The following OSGIN2 variants were observed in gnomAD, a reference collection of about 807,000 sequenced individuals.
OSGIN2 encodes the protein oxidative stress induced growth inhibitor family member 2, also known as oxidative stress-induced growth inhibitor 2.
OSGIN2 carries 19 observed loss-of-function variants against 53.8 expected under a neutral mutation model. The ratio of observed to expected loss-of-function variants is 0.35; its 90% CI spans 0.25 to 0.52. OSGIN2 has a LOEUF of 0.52. OSGIN2 is among the 20% of genes least tolerant of loss of function. OSGIN2 has a pLI of 0.95. For synonymous variants in OSGIN2, 236 were observed against 236.0 expected (o/e 1.00, Z 0.00); for missense variants, 520 against 662.7 (o/e 0.78, Z 2.36).
At chr8:89,909,282 A>G (rs569587775) in intron 1 of OSGIN2, among the ~76,000 whole-genome samples, 1 of 151,936 alleles carries the variant, frequency 6.6e-6, no homozygotes, top group African/African-American at 2.4e-5. Context: ...CCTCAACACC[A>G]TGCTGTCTTT....
intron 4 of OSGIN2, among the ~76,000 whole-genome samples, chr8:89,919,184 G>A (rs534923930): frequency 6.8e-4 from 104 of 151,944 alleles, no homozygotes; most frequent in Non-Finnish European, 1.1e-3. Context: ...CTTTTGTTGG[G>A]GAGTCCAAGT....
At position 89,909,011 on chromosome 8, in the gene OSGIN2, CAAAAAAAAAAA is replaced by C. The variant is rs35635974; in HGVS notation, c.45-539_45-529del. On this transcript the variant is annotated intron_variant, in intron 1 of 5. Transcript: ENST00000451899. ...GGGTGACAGAGCAAGACCTTGTTTC[CAAAAAAAAAAA>C]AAAAAAAAAAAAAAAATATATATAT... Among the ~76,000 whole-genome samples, 41 of 38,394 alleles carry C rather than the reference CAAAAAAAAAAA, an allele frequency of 1.1e-3. No individual in the cohort carries two copies. In the East Asian group the frequency reaches 0.013, roughly 12 times the overall value. 25.2% of individuals were successfully genotyped at this position (38,394 alleles called of 152,430 possible). A position where few individuals can be genotyped will look rare whatever the true frequency, so the allele number is the denominator to read the frequency against.
At position 89,925,481 on chromosome 8, in the gene OSGIN2, G is replaced by A. The variant is rs1809303761; in HGVS notation, c.1599G>A (p.Gln533=). 3 of 1,613,832 alleles carry A rather than the reference G, an allele frequency of 1.9e-6. No individual in the cohort carries two copies. The highest frequency in any genetic ancestry group is 1.3e-5 in the African/African-American group (1 of 74,920). Residue 533 remains glutamine (Q), a synonymous_variant, in exon 6 of 6, where the codon CAG becomes CAA. Transcript: ENST00000451899. Reference sequence around the variant, plus strand: ...TTACACGCTGTTTAGCTACAAGACAGAAGAAAAAGCATTTGTTTGTTGAAA... The same window carrying A: ...TTACACGCTGTTTAGCTACAAGACAAAAGAAAAAGCATTTGTTTGTTGAAA... The part of the protein sequence containing the change: ...LGVTRCLATR[Q]KKKHLFVERG...
intron 1 of OSGIN2, among the ~76,000 whole-genome samples, chr8:89,909,009 TCCAAAAAAAAA>T: frequency 3.5e-5 from 1 of 28,632 alleles, no homozygotes; most frequent in East Asian, 5.1e-4. Flanking sequence ...AGACCTTGTT[TCCAAAAAAAAA>T]AAAAAAAAAA....
intron 4 of OSGIN2, among the ~76,000 whole-genome samples, chr8:89,915,789 G>C (rs189952205): frequency 6.6e-6 from 1 of 152,100 alleles, no homozygotes; most frequent in Non-Finnish European, 1.5e-5. Flanking sequence ...AGTTGTTTAC[G>C]TTTATAAAAT....
At chr8:89,908,805 A>T (rs1169184232) in intron 1 of OSGIN2, among the ~76,000 whole-genome samples, 1 of 151,768 alleles carries the variant, frequency 6.6e-6, no homozygotes, top group East Asian at 1.9e-4. Context: ...ATTTTAATAT[A>T]TTTTTGAAGT....
Position 89,920,178 on chromosome 8 carries a change from A to G in OSGIN2, c.529-902A>G, listed in dbSNP as rs144183066. Among the ~76,000 whole-genome samples, 183 of 152,290 alleles carry G rather than the reference A, an allele frequency of 1.2e-3. 1 individual carries two copies. Among genetic ancestry groups the G allele is most frequent in the African/African-American group, 3.9e-3 (161 of 41,558 alleles). ...AGGTTCTGAACCTGGTATCAGGGCT[A>G]GCCTCCCTCAAAGCAGGTGGCAGCT... On this transcript the variant is annotated intron_variant, in intron 4 of 5. Transcript: ENST00000451899.
chr8:89,923,568 A>C (rs888805957), intron 5 of OSGIN2, among the ~76,000 whole-genome samples: 1 of 152,194 alleles, frequency 6.6e-6, no homozygotes, highest in Non-Finnish European at 1.5e-5. Context: ...AATAAGTCAC[A>C]TGAGGTATTC....
chr8:89,904,838 ACAGATTATAAAACAGGTTG>A (rs1344465759), intron 1 of OSGIN2, among the ~76,000 whole-genome samples: 2 of 152,180 alleles, frequency 1.3e-5, no homozygotes, highest in Non-Finnish European at 2.9e-5. Flanking sequence ...ACAAAAAAAC[ACAGATTATAAAACAGGTTG>A]TGACATCTAT....
Position 89,925,529 on chromosome 8 carries a change from T to C in OSGIN2, c.1647T>C (p.Ala549=). The C allele has an allele frequency of 6.2e-7, 1 of 1,608,550 alleles. No homozygotes were observed. The highest frequency in any genetic ancestry group is 8.5e-7 in the Non-Finnish European group (1 of 1,177,216). Residue 549 remains alanine, a synonymous_variant, in exon 6 of 6, where the codon GCT becomes GCC. Transcript: ENST00000451899. ...AAAGAGGAGGAGGAGATGGGATAGC[T>C]TAAAGCAAGTTTACAAGTAATTAAA... is the stretch of plus-strand genomic sequence containing the variant. ...FVERGGGDGI[A] is the part of the protein sequence containing the mutation.
intron 4 of OSGIN2, among the ~76,000 whole-genome samples, chr8:89,915,823 T>C (rs922610085): frequency 3.3e-5 from 5 of 152,218 alleles, no homozygotes; most frequent in Admixed American, 1.3e-4. Context: ...TATCGGGACA[T>C]TCCTAGATTA....
chr8:89,907,259 TTTAATTA>T (rs1195321628), intron 1 of OSGIN2, among the ~76,000 whole-genome samples: 1 of 149,132 alleles, frequency 6.7e-6, no homozygotes, highest in Admixed American at 6.7e-5. Flanking sequence ...AGCTCGTTAG[TTTAATTA>T]GATACCATTT....
intron 5 of OSGIN2, among the ~76,000 whole-genome samples, chr8:89,923,148 T>G (rs1266037527): frequency 6.6e-6 from 1 of 152,086 alleles, no homozygotes; most frequent in African/African-American, 2.4e-5. Flanking sequence ...AAGGTACACT[T>G]TATAAACACT....
At chr8:89,907,161 C>A (rs1353702752) in intron 1 of OSGIN2, among the ~76,000 whole-genome samples, 1 of 151,988 alleles carries the variant, frequency 6.6e-6, no homozygotes, top group African/African-American at 2.4e-5. Flanking sequence ...GGATATTAGA[C>A]CTTTGTTGGA....
In OSGIN2 at chr8:89,910,321, T is replaced by C. The variant is rs114028734; in HGVS notation, c.199+600T>C. On this transcript the variant is annotated intron_variant, in intron 2 of 5. Coordinates refer to ENST00000451899, the MANE Select transcript of OSGIN2 (RefSeq NM_001126111.3). The stretch of plus-strand genomic sequence containing the variant: ...TATAAGCTTTTATAATTTAGTTTTA[T>C]TGCATGCATTTAATTACCTGTTATG... Among the ~76,000 whole-genome samples, 837 of 152,354 alleles carry C rather than the reference T, an allele frequency of 5.5e-3. 10 individuals carry two copies. The highest frequency in any genetic ancestry group is 0.019 in the African/African-American group (770 of 41,582).
At chr8:89,909,011 C>CAAAAAAAA (rs35635974) in intron 1 of OSGIN2, among the ~76,000 whole-genome samples, 1 of 38,392 alleles carries the variant, frequency 2.6e-5, no homozygotes, top group African/African-American at 1.4e-4. Context: ...ACCTTGTTTC[C>CAAAAAAAA]AAAAAAAAAA....
chr8:89,925,248 T>C lies in OSGIN2; in HGVS notation c.1366T>C (p.Leu456=), dbSNP rs1250150244. ...KIFKLSAAVV[L]IGSHPNLSFL... ...ATTTAAGCTGTCTGCAGCAGTAGTATTGATAGGTTCTCATCCTAATCTGTC... is the reference window on the plus strand; with the variant it reads ...ATTTAAGCTGTCTGCAGCAGTAGTACTGATAGGTTCTCATCCTAATCTGTC... The change falls in exon 6 of 6, where the codon TTG becomes CTG. Residue 456 remains leucine, a synonymous_variant. Transcript: ENST00000451899. The C allele has an allele frequency of 9.3e-6, 15 of 1,614,184 alleles. No individual in the cohort carries two copies. The highest frequency in any genetic ancestry group is 1.3e-5 in the African/African-American group (1 of 75,054).
chr8:89,909,121 A>G (rs73304487), intron 1 of OSGIN2, among the ~76,000 whole-genome samples: 23,724 of 148,072 alleles, frequency 0.16, 4,686 homozygotes, highest in African/African-American at 0.47. Flanking sequence ...TTTCTTATAC[A>G]AAAATGCACA....
At chr8:89,922,363 T>G (rs58922279) in intron 5 of OSGIN2, among the ~76,000 whole-genome samples, 5,831 of 152,304 alleles carry the variant, frequency 0.038, 165 homozygotes, top group South Asian at 0.1. Flanking sequence ...TATATGGGTT[T>G]GAAACTTGAA....
Sources: gnomAD v4.1 joint callset for allele counts (sites outside exome capture counted in the v4.1 genomes callset) on GRCh38, gnomAD v4.1.1 for gene constraint, MANE v1.5 for transcripts, NCBI Gene and HGNC (gene_info 2026-07-23, HGNC 2026-07-21) for gene names.